The following GBX1 variants were observed in gnomAD, a reference collection of about 807,000 sequenced individuals.
The protein encoded by GBX1 is homeobox protein GBX-1.
GBX1 carries 9 observed loss-of-function variants against 22.9 expected under a neutral mutation model. The observed-to-expected ratio is 0.39, with a 90% CI of 0.24 to 0.69. GBX1 has a LOEUF of 0.69. Ranked by LOEUF, GBX1 falls within the 30% of genes least tolerant of loss-of-function variation. The pLI is 0.43. For synonymous variants in GBX1, 203 were observed against 227.3 expected (o/e 0.89, Z 0.96); for missense variants, 494 against 509.2 (o/e 0.97, Z 0.29).
intron 1 of GBX1, 65 bp downstream of exon 1, chr7:151,166,946 G>T: frequency 1.3e-6 from 2 of 1,542,090 alleles, no homozygotes; most frequent in Non-Finnish European, 8.9e-7. Context: ...GTTCCGAGCA[G>T]GTTCCTGTCT....
intron 1 of GBX1, among the ~76,000 whole-genome samples, chr7:151,160,622 C>A (rs1202784774): frequency 6.6e-6 from 1 of 152,230 alleles, no homozygotes; most frequent in African/African-American, 2.4e-5. Context: ...AGTGAAGACA[C>A]TGCTTGCAGC....
chr7:151,158,427 TAAAG>T (rs1801158892), intron 1 of GBX1, among the ~76,000 whole-genome samples: 1 of 152,008 alleles, frequency 6.6e-6, no homozygotes, highest in Non-Finnish European at 1.5e-5. Flanking sequence ...AATTTTTTGA[TAAAG>T]AAACAAGAAG....
At chr7:151,160,272 T>C (rs1485649647) in intron 1 of GBX1, among the ~76,000 whole-genome samples, 1 of 152,214 alleles carries the variant, frequency 6.6e-6, no homozygotes, top group Non-Finnish European at 1.5e-5. Context: ...AGAATAGTTA[T>C]TAATTGCAGC....
intron 1 of GBX1, among the ~76,000 whole-genome samples, chr7:151,158,469 T>G (rs191832809): frequency 4.6e-4 from 70 of 151,936 alleles, no homozygotes; most frequent in African/African-American, 1.3e-3. Flanking sequence ...TTTTGTTTTT[T>G]TTTTAATGGA....
intron 1 of GBX1, among the ~76,000 whole-genome samples, chr7:151,157,833 G>A (rs1306909427): frequency 1.3e-5 from 2 of 152,208 alleles, no homozygotes. Flanking sequence ...CATGATTCAA[G>A]CTAGCGAATT....
intron 1 of GBX1, among the ~76,000 whole-genome samples, chr7:151,153,995 T>C (rs1425837592): frequency 6.6e-6 from 1 of 152,206 alleles, no homozygotes; most frequent in Non-Finnish European, 1.5e-5. Context: ...CCCAGCACTT[T>C]GGGAGACTGA....
chr7:151,167,089 G>T lies in GBX1; in HGVS notation c.460C>A (p.Leu154Met), dbSNP rs1801262743. ...TCTGCCACTTTCTCCCGGGCCGGCA[G>T]CAGCTCATCAGCTTCCAGCCCACCC... ...PEGGLEADELLPAREKVAEPP... is the reference protein window; with the variant it reads ...PEGGLEADELMPAREKVAEPP... Residue 154 changes from leucine (L) to methionine (M), a missense_variant, in exon 1 of 2, where the codon CTG becomes ATG. By Grantham distance (15) the Leu-to-Met change is conservative. Transcript: ENST00000297537. This position sits in a 1 kb window ranked among gnomAD's most constrained non-coding sequence, Gnocchi z 5.9. 6.2e-7 allele frequency: 1 copy of T among 1,604,486 alleles called. No individual in the cohort carries two copies. Among genetic ancestry groups the T allele is most frequent in the Non-Finnish European group, 8.5e-7 (1 of 1,176,870 alleles).
intron 1 of GBX1, among the ~76,000 whole-genome samples, chr7:151,161,986 G>A (rs1391501922): frequency 6.6e-6 from 1 of 152,222 alleles, no homozygotes; most frequent in Non-Finnish European, 1.5e-5. Context: ...TACTAAGTCT[G>A]TAGTAATAGA....
intron 1 of GBX1, among the ~76,000 whole-genome samples, chr7:151,164,591 T>C (rs1213310780): frequency 6.6e-6 from 1 of 152,176 alleles, no homozygotes; most frequent in African/African-American, 2.4e-5. Flanking sequence ...TTCTGAAGTC[T>C]CTCCTCCTTA....
rs1440855988 is a variant in GBX1, at chr7:151,167,477, G to A, written c.72C>T (p.Ala24=). Reference sequence around the variant, plus strand: ...GCCCGATTAGGGAGTCGATGGAGAAGGCAGTGCCCGGGCCCCCGCCGCCGC... The same window carrying A: ...GCCCGATTAGGGAGTCGATGGAGAAAGCAGTGCCCGGGCCCCCGCCGCCGC... ...GGGGGGGPGT[A]FSIDSLIGPP... The change falls in exon 1 of 2, where the codon GCC becomes GCT. Residue 24 remains alanine, a synonymous_variant. Transcript: ENST00000297537. This position sits in a 1 kb window ranked among gnomAD's most constrained non-coding sequence, Gnocchi z 5.9. 4.0e-6 allele frequency: 6 copies of A among 1,501,776 alleles called. No homozygotes were observed. In the East Asian group the frequency reaches 1.7e-4, roughly 42 times the overall value. 93.0% of individuals were successfully genotyped at this position (1,501,776 alleles called of 1,614,324 possible).
At chr7:151,160,872 A>G (rs1801181759) in intron 1 of GBX1, among the ~76,000 whole-genome samples, 1 of 152,134 alleles carries the variant, frequency 6.6e-6, no homozygotes, top group Non-Finnish European at 1.5e-5. Context: ...TATGAGCACT[A>G]CCTTGCATAG....
At chr7:151,158,574 C>T (rs532071521) in intron 1 of GBX1, among the ~76,000 whole-genome samples, 4 of 151,398 alleles carry the variant, frequency 2.6e-5, no homozygotes, top group South Asian at 2.1e-4. Context: ...ACAGGGAAAC[C>T]GAAAAGAGGG....
At chr7:151,151,716 G>C (rs1801081486) in intron 1 of GBX1, among the ~76,000 whole-genome samples, 1 of 152,132 alleles carries the variant, frequency 6.6e-6, no homozygotes, top group East Asian at 1.9e-4. Flanking sequence ...AATACCCCCA[G>C]AGCCCAATCC....
chr7:151,148,422 G>C lies in GBX1; in HGVS notation c.*167C>G, dbSNP rs1204822976. On this transcript the variant is annotated 3_prime_UTR_variant, in exon 2 of 2. Transcript: ENST00000297537. The surrounding 1 kb of genome is among the most constrained non-coding windows in gnomAD (Gnocchi z 5.1). Reference sequence around the variant, plus strand: ...TCAGGGCCAAGTGCTCACATCTCAGGTTCTGGGAGGAGTCTGGGAAGAGCA... The same window carrying C: ...TCAGGGCCAAGTGCTCACATCTCAGCTTCTGGGAGGAGTCTGGGAAGAGCA... Among the ~76,000 whole-genome samples, 1 of 152,170 alleles carries C rather than the reference G, an allele frequency of 6.6e-6. No homozygotes were observed. The highest frequency in any genetic ancestry group is 1.5e-5 in the Non-Finnish European group (1 of 68,030).
Position 151,166,958 on chromosome 7 carries a change from G to C in GBX1, c.538+53C>G. 5.1e-6 allele frequency: 8 copies of C among 1,575,402 alleles called. No individual in the cohort carries two copies. The South Asian group carries it at 9.0e-5, about 18-fold the overall frequency. On this transcript the variant is annotated intron_variant, in intron 1 of 1. Coordinates refer to ENST00000297537, the MANE Select transcript of GBX1 (RefSeq NM_001098834.3). Reference sequence around the variant, plus strand: ...GAGGTTCCGAGCAGGTTCCTGTCTGGAATTTCCAGGTGAACCGGCCTCCCG... The same window carrying C: ...GAGGTTCCGAGCAGGTTCCTGTCTGCAATTTCCAGGTGAACCGGCCTCCCG...
At chr7:151,155,744 C>T (rs1227106770) in intron 1 of GBX1, among the ~76,000 whole-genome samples, 1 of 152,122 alleles carries the variant, frequency 6.6e-6, no homozygotes, top group East Asian at 1.9e-4. Context: ...CTTGTATGAT[C>T]TTTAACTTTT....
At chr7:151,160,618 G>A (rs1801179269) in intron 1 of GBX1, among the ~76,000 whole-genome samples, 4 of 152,182 alleles carry the variant, frequency 2.6e-5, no homozygotes, top group Non-Finnish European at 4.4e-5. Context: ...GGCCAGTGAA[G>A]ACACTGCTTG....
In GBX1 at chr7:151,167,620, C is replaced by T. The variant is rs1351806461; in HGVS notation, c.-72G>A. ...TCCGTGCGCCCCGCGGCTCGGGCGC[C>T]CCGCGCGGACACGCAGGGCTCGCTC... On this transcript the variant is annotated 5_prime_UTR_variant, in exon 1 of 2. Transcript: ENST00000297537. The surrounding 1 kb of genome is among the most constrained non-coding windows in gnomAD (Gnocchi z 5.9). The T allele has an allele frequency of 2.5e-6, 3 of 1,221,146 alleles. No individual in the cohort carries two copies. In the African/African-American group the frequency reaches 4.8e-5, roughly 20 times the overall value. 75.6% of individuals were successfully genotyped at this position (1,221,146 alleles called of 1,614,324 possible).
chr7:151,148,829 T>C lies in GBX1; in HGVS notation c.852A>G (p.Lys284=). Residue 284 remains lysine (K), a synonymous_variant, in exon 2 of 2, where the codon AAA becomes AAG. Transcript: ENST00000297537. The surrounding 1 kb of genome is among the most constrained non-coding windows in gnomAD (Gnocchi z 5.1). ...LELEKEFHCK[K]YLSLTERSQI... is the part of the protein sequence containing the mutation. Reference sequence around the variant, plus strand: ...GAGAGCGCTCTGTCAAGCTCAGGTATTTCTTGCAATGAAATTCCTTCTCCA... The same window carrying C: ...GAGAGCGCTCTGTCAAGCTCAGGTACTTCTTGCAATGAAATTCCTTCTCCA... The C allele has an allele frequency of 6.2e-7, 1 of 1,614,204 alleles. No homozygotes were observed. Among genetic ancestry groups the C allele is most frequent in the Non-Finnish European group, 8.5e-7 (1 of 1,180,024 alleles).
Sources: gnomAD v4.1 joint callset for allele counts (sites outside exome capture counted in the v4.1 genomes callset) on GRCh38, gnomAD v4.1.1 for gene constraint, Gnocchi (gnomAD v3.1) non-coding constraint, MANE v1.5 for transcripts, NCBI Gene and HGNC (gene_info 2026-07-23, HGNC 2026-07-21) for gene names.